Variants in ANKS1B observed in about 807,000 individuals in gnomAD.
ANKS1B encodes ankyrin repeat and sterile alpha motif domain-containing protein 1B.
ANKS1B carries 36 observed loss-of-function variants against 148.3 expected under a neutral mutation model. That is an observed-to-expected ratio of 0.24 (90% CI 0.19 to 0.32). The LOEUF is 0.32. Ranked by LOEUF, ANKS1B falls within the 10% of genes least tolerant of loss-of-function variation. The probability of loss-of-function intolerance (pLI) is 1.00; values close to 1 mark genes in which losing one functional copy is unlikely to be tolerated. For synonymous variants in ANKS1B, 542 were observed against 560.8 expected, an observed-to-expected ratio of 0.97 and a Z score of 0.47; for missense variants, 1,157 against 1,542.6, an observed-to-expected ratio of 0.75 and a Z score of 4.19.
chr12:99,441,143 C>A (rs2095543585), intron 11 of ANKS1B, among the ~76,000 whole-genome samples: 1 of 151,826 alleles, frequency 6.6e-6, no homozygotes, highest in South Asian at 2.1e-4. Flanking sequence ...TCCACACTTT[C>A]TGCATTTTCA....
chr12:99,825,522 C>G, intron 1 of ANKS1B, 133 bp from the exon 2 acceptor site: 1 of 617,094 alleles, frequency 1.6e-6, no homozygotes. Context: ...AAATGATTGC[C>G]ATCTTCTATG....
chr12:99,080,419 G>C (rs145194520), intron 16 of ANKS1B, among the ~76,000 whole-genome samples: 1 of 152,276 alleles, frequency 6.6e-6, no homozygotes, highest in African/African-American at 2.4e-5. Context: ...GAGACGTTGA[G>C]TATAGACAAC....
Position 99,799,157 on chromosome 12 carries a change from A to G in ANKS1B, c.669+7247T>C, listed in dbSNP as rs144562386. 7.5e-3 allele frequency among the ~76,000 whole-genome samples: 1,136 copies of G among 152,204 alleles called. 15 individuals carry two copies. Among genetic ancestry groups the G allele is most frequent in the African/African-American group, 0.026 (1,088 of 41,546 alleles). ...TCCTCTGGCACATAGTAGGCACTCAATAAATATATGATAAATGAATTGATT... is the reference window on the plus strand; with the variant it reads ...TCCTCTGGCACATAGTAGGCACTCAGTAAATATATGATAAATGAATTGATT... On this transcript the variant is annotated intron_variant, in intron 4 of 26. Coordinates refer to ENST00000683438, the MANE Select transcript of ANKS1B (RefSeq NM_001352186.2).
chr12:99,933,015 A>G (rs1362088282), intron 1 of ANKS1B, among the ~76,000 whole-genome samples: 16 of 152,246 alleles, frequency 1.1e-4, no homozygotes, highest in Non-Finnish European at 1.9e-4. Context: ...TTTACTGAAG[A>G]GACTGTCTTT....
intron 25 of ANKS1B, among the ~76,000 whole-genome samples, chr12:98,758,926 G>A (rs1055002732): frequency 3.3e-5 from 5 of 149,868 alleles, no homozygotes; most frequent in Non-Finnish European, 5.9e-5. Context: ...GATTATAGGC[G>A]TGCACGCCTG....
intron 25 of ANKS1B, among the ~76,000 whole-genome samples, chr12:98,764,755 A>T (rs1180187588): frequency 6.6e-6 from 1 of 152,164 alleles, no homozygotes; most frequent in Non-Finnish European, 1.5e-5. Flanking sequence ...CTCCAAACCG[A>T]CCACGTGTTC....
chr12:99,922,939 A>T (rs1157729553), intron 1 of ANKS1B, among the ~76,000 whole-genome samples: 7 of 65,618 alleles, frequency 1.1e-4, no homozygotes, highest in Admixed American at 8.7e-4. Flanking sequence ...CCAGAACTAT[A>T]AAAAAAAAAA....
At chr12:99,654,087 A>C (rs1204619843) in intron 9 of ANKS1B, among the ~76,000 whole-genome samples, 1 of 152,216 alleles carries the variant, frequency 6.6e-6, no homozygotes, top group Non-Finnish European at 1.5e-5. Flanking sequence ...TAAAGGTTAC[A>C]GTAAACTGTC....
intron 10 of ANKS1B, among the ~76,000 whole-genome samples, chr12:99,487,536 T>C (rs1220048693): frequency 1.3e-5 from 2 of 151,902 alleles, no homozygotes; most frequent in African/African-American, 2.4e-5. Context: ...ATTGCCTATA[T>C]AAAGTTAGGC....
At chr12:99,463,265 T>C (rs2096018696) in intron 10 of ANKS1B, among the ~76,000 whole-genome samples, 2 of 152,358 alleles carry the variant, frequency 1.3e-5, no homozygotes, top group Non-Finnish European at 2.9e-5. Context: ...TTGATTAATA[T>C]GTGAAGACAA....
intron 14 of ANKS1B, among the ~76,000 whole-genome samples, chr12:99,180,418 T>C (rs1303802757): frequency 1.3e-5 from 2 of 152,316 alleles, no homozygotes; most frequent in African/African-American, 2.4e-5. Context: ...ATGGTGATTA[T>C]AGGAATCAGA....
At chr12:99,623,703 T>A (rs1468881744) in intron 9 of ANKS1B, among the ~76,000 whole-genome samples, 1 of 151,794 alleles carries the variant, frequency 6.6e-6, no homozygotes, top group Admixed American at 6.6e-5. Flanking sequence ...ACCAAGGAGG[T>A]GAAAGATCTC....
chr12:99,730,779 T>TC (rs2059061573), intron 8 of ANKS1B, among the ~76,000 whole-genome samples: 1 of 152,144 alleles, frequency 6.6e-6, no homozygotes, highest in Non-Finnish European at 1.5e-5. Context: ...GGGTCTCAGT[T>TC]CCCCATAGAG....
chr12:99,309,693 A>G (rs1490001009), intron 12 of ANKS1B, among the ~76,000 whole-genome samples: 4 of 152,130 alleles, frequency 2.6e-5, no homozygotes, highest in African/African-American at 9.6e-5. Flanking sequence ...TTATTTCAGG[A>G]CAATCACTGA....
Position 98,880,057 on chromosome 12 carries a change from C to T in ANKS1B, c.2779-47921G>A, listed in dbSNP as rs78154691. On this transcript the variant is annotated intron_variant, in intron 17 of 26. Coordinates refer to ENST00000683438, the MANE Select transcript of ANKS1B (RefSeq NM_001352186.2). ...CACATATTAATGATACAAAACAGAA[C>T]TATCTCCAATGCTTTGAAGAATGTA... Among the ~76,000 whole-genome samples, 295 of 152,288 alleles carry T rather than the reference C, an allele frequency of 1.9e-3. 1 individual carries two copies. The highest frequency in any genetic ancestry group is 6.4e-3 in the African/African-American group (268 of 41,552).
intron 15 of ANKS1B, among the ~76,000 whole-genome samples, chr12:99,123,671 G>A (rs2063535210): frequency 6.6e-6 from 1 of 152,182 alleles, no homozygotes; most frequent in African/African-American, 2.4e-5. Flanking sequence ...AAGTGCAAGA[G>A]TCCAAAAGCC....
At chr12:98,871,258 A>G (rs1399269649) in intron 17 of ANKS1B, among the ~76,000 whole-genome samples, 2 of 152,154 alleles carry the variant, frequency 1.3e-5, no homozygotes, top group Non-Finnish European at 2.9e-5. Context: ...AAATACTATC[A>G]TCCATAATTT....
At chr12:98,870,737 G>A (rs139474170) in intron 17 of ANKS1B, among the ~76,000 whole-genome samples, 40 of 152,286 alleles carry the variant, frequency 2.6e-4, no homozygotes, top group African/African-American at 7.7e-4. Flanking sequence ...ACACAGCCTC[G>A]TTATCCATCT....
intron 11 of ANKS1B, among the ~76,000 whole-genome samples, chr12:99,408,847 C>T (rs11109825): frequency 0.35 from 50,554 of 144,514 alleles, 14,501 homozygotes; most frequent in African/African-American, 0.63. Flanking sequence ...AGACAGGCAA[C>T]GACAAATGCT....
Sources: gnomAD v4.1 joint callset for allele counts (sites outside exome capture counted in the v4.1 genomes callset) on GRCh38, gnomAD v4.1.1 for gene constraint, MANE v1.5 for transcripts, NCBI Gene and HGNC (gene_info 2026-07-23, HGNC 2026-07-21) for gene names.